PARP8: variants seen among roughly 807,000 people sequenced by gnomAD.
PARP8 encodes the protein poly(ADP-ribose) polymerase family member 8.
In PARP8, 51 loss-of-function variants were observed where a neutral mutation model predicts 124.1. The observed-to-expected ratio is 0.41, with a 90% CI of 0.33 to 0.52. The LOEUF (loss-of-function observed/expected upper bound fraction) is 0.52. PARP8 is among the 20% of genes least tolerant of loss of function. The pLI, the probability that PARP8 is intolerant of heterozygous loss-of-function variation, is 0.21. For synonymous variants in PARP8, 391 were observed against 361.5 expected, an observed-to-expected ratio of 1.08 and a Z score of -0.93; for missense variants, 860 against 1,018.9, an observed-to-expected ratio of 0.84 and a Z score of 2.12.
chr5:50,837,152 G>A (rs1367194296), intron 25 of PARP8, among the ~76,000 whole-genome samples: 4 of 152,056 alleles, frequency 2.6e-5, no homozygotes, highest in African/African-American at 9.7e-5. Flanking sequence ...TAAAAGAGAA[G>A]TACACTCAGA....
At chr5:50,667,225 C>T in intron 1 of PARP8, 39 bp downstream of exon 1, 1 of 1,590,184 alleles carries the variant, frequency 6.3e-7, no homozygotes, top group Non-Finnish European at 8.5e-7. Flanking sequence ...ACCCAGCGCC[C>T]CCTTCCCAGT....
intron 10 of PARP8, among the ~76,000 whole-genome samples, chr5:50,789,491 C>T (rs1393679614): frequency 6.6e-6 from 1 of 152,072 alleles, no homozygotes; most frequent in Non-Finnish European, 1.5e-5. Context: ...AATAATGATG[C>T]CATCCACATG....
intron 2 of PARP8, among the ~76,000 whole-genome samples, chr5:50,713,802 G>A (rs1331561673): frequency 6.6e-6 from 1 of 152,072 alleles, no homozygotes; most frequent in Non-Finnish European, 1.5e-5. Flanking sequence ...GAGATGGGAT[G>A]AAGGAAGCAG....
intron 23 of PARP8, chr5:50,833,553 TGTAACCTCC>T (rs1034068118): frequency 4.6e-5 from 15 of 327,604 alleles, no homozygotes; most frequent in African/African-American, 3.3e-4. Flanking sequence ...GAAATGTTTC[TGTAACCTCC>T]GTGACCTAGT....
chr5:50,822,101 C>T (rs572396350), intron 16 of PARP8, among the ~76,000 whole-genome samples: 7 of 152,184 alleles, frequency 4.6e-5, no homozygotes, highest in South Asian at 4.1e-4. Context: ...AGATTTTTTC[C>T]GCCATGGCTT....
chr5:50,817,993 T>C (rs1332167589), intron 15 of PARP8, among the ~76,000 whole-genome samples: 2 of 152,146 alleles, frequency 1.3e-5, no homozygotes, highest in African/African-American at 2.4e-5. Context: ...ACCTAATATT[T>C]CTTTGCATTT....
intron 3 of PARP8, among the ~76,000 whole-genome samples, 171 bp downstream of exon 3, chr5:50,750,359 T>C (rs1175429661): frequency 6.6e-6 from 1 of 152,138 alleles, no homozygotes; most frequent in Non-Finnish European, 1.5e-5. Context: ...CATGTCTTAC[T>C]CTGAGACACA....
At chr5:50,827,198 G>A (rs904691067) in intron 19 of PARP8, among the ~76,000 whole-genome samples, 1 of 151,994 alleles carries the variant, frequency 6.6e-6, no homozygotes, top group Non-Finnish European at 1.5e-5. Flanking sequence ...TTATTTATCA[G>A]CCTAGTAAGC....
At chr5:50,756,542 C>G (rs1174431268) in intron 3 of PARP8, among the ~76,000 whole-genome samples, 1 of 152,130 alleles carries the variant, frequency 6.6e-6, no homozygotes, top group Admixed American at 6.5e-5. Flanking sequence ...ATGAGCAAAC[C>G]TCTCATTTTA....
chr5:50,824,741 A>C (rs1182351960), intron 17 of PARP8, among the ~76,000 whole-genome samples, 167 bp from the exon 18 acceptor site: 4 of 152,104 alleles, frequency 2.6e-5, no homozygotes, highest in Admixed American at 6.6e-5. Context: ...CACAATTCCC[A>C]TCATCTTGGG....
chr5:50,675,870 A>G (rs920171349), intron 2 of PARP8, among the ~76,000 whole-genome samples: 2 of 152,196 alleles, frequency 1.3e-5, no homozygotes, highest in African/African-American at 4.8e-5. Flanking sequence ...ATAAGTCAGT[A>G]TTTTGTTTAG....
At chr5:50,725,999 C>A (rs929080667) in intron 2 of PARP8, among the ~76,000 whole-genome samples, 1 of 152,120 alleles carries the variant, frequency 6.6e-6, no homozygotes, top group African/African-American at 2.4e-5. Context: ...GTTATGCTAC[C>A]TACTCCTATG....
At chr5:50,794,155 TA>T in intron 10 of PARP8, 51 bp from the exon 11 acceptor site, 3 of 1,561,238 alleles carry the variant, frequency 1.9e-6, no homozygotes, top group Non-Finnish European at 2.6e-6. Flanking sequence ...ACAGTAACAT[TA>T]ATTGAAATTG....
intron 17 of PARP8, among the ~76,000 whole-genome samples, chr5:50,823,444 T>G (rs1745993248): frequency 6.6e-6 from 1 of 152,354 alleles, no homozygotes. Flanking sequence ...ACAAATGTTA[T>G]TATTTGCTTA....
intron 2 of PARP8, among the ~76,000 whole-genome samples, chr5:50,676,893 C>T (rs1750700844): frequency 1.3e-5 from 2 of 152,124 alleles, no homozygotes; most frequent in Non-Finnish European, 2.9e-5. Context: ...GAACCACATG[C>T]CACTTTAGGT....
intron 17 of PARP8, 92 bp downstream of exon 17, chr5:50,822,492 A>C: frequency 1.0e-6 from 1 of 983,442 alleles, no homozygotes. Flanking sequence ...TATAATACAT[A>C]TCATTTAAAA....
chr5:50,793,952 T>C (rs1176886588), intron 10 of PARP8, among the ~76,000 whole-genome samples: 4 of 152,096 alleles, frequency 2.6e-5, no homozygotes, highest in Non-Finnish European at 5.9e-5. Flanking sequence ...CCTGGTAATA[T>C]TGTAATTTAA....
rs1168152687 is a variant in PARP8 at position 50,795,236 on chromosome 5, G to T, written c.1247G>T (p.Arg416Ile). 6.2e-7 allele frequency: 1 copy of T among 1,614,142 alleles called. No individual in the cohort carries two copies. Among genetic ancestry groups the T allele is most frequent in the Non-Finnish European group, 8.5e-7 (1 of 1,180,028 alleles). The change falls in exon 12 of 26, where the codon AGA (arginine) becomes ATA (isoleucine). Residue 416 changes from arginine (R) to isoleucine (I), a missense_variant. This residue lies in a region of PARP8 where 517 missense variants were observed against 544.2 expected (regional missense o/e 0.95). Transcript: ENST00000281631. ...LLSRSYSSNL[R>I]MEELYGLKNH... ...AGCAGGTCTTACTCTAGTAATCTCA[G>T]AATGGAAGAATTATATGGACTGAAA...
rs1259581933 is a variant in PARP8, at chr5:50,668,077, G to C, written c.98G>C (p.Arg33Thr). 1 of 1,612,076 alleles carries C rather than the reference G, an allele frequency of 6.2e-7. No individual in the cohort carries two copies. The highest frequency in any genetic ancestry group is 2.2e-5 in the East Asian group (1 of 44,884). Residue 33 changes from arginine to threonine, a missense_variant, in exon 2 of 26, where the codon AGA becomes ACA. By Grantham distance (71) the Arg-to-Thr change is moderately conservative. Around this residue, in one of 2 missense-constraint regions of PARP8, gnomAD observed 517 missense variants for 544.2 expected, o/e 0.95. Coordinates refer to ENST00000281631, the MANE Select transcript of PARP8 (RefSeq NM_024615.4). The part of the protein sequence containing the change: ...AEKDCLFADF[R>T]YSDSTFTFTY... ...ACGGGACTTTCTGTTTCAGATTTCA[G>C]ATACTCTGACTCCACCTTTACTTTT...
Sources: gnomAD v4.1 joint callset for allele counts (sites outside exome capture counted in the v4.1 genomes callset) on GRCh38, gnomAD v4.1.1 for gene constraint, gnomAD v4.1.1 regional missense constraint, MANE v1.5 for transcripts, NCBI Gene and HGNC (gene_info 2026-07-23, HGNC 2026-07-21) for gene names.